Variants in PPP1R1C observed in about 807,000 individuals in gnomAD.
The protein encoded by PPP1R1C is protein phosphatase 1 regulatory inhibitor subunit 1C.
PPP1R1C carries 15 observed loss-of-function variants against 17.4 expected under a neutral mutation model. The ratio of observed to expected loss-of-function variants is 0.86; its 90% CI spans 0.58 to 1.33. The LOEUF (loss-of-function observed/expected upper bound fraction) is 1.33. Ranked by LOEUF, PPP1R1C falls within the 40% of genes most tolerant of loss-of-function variation. The pLI is 0.00. For synonymous variants in PPP1R1C, 35 were observed against 43.1 expected, an observed-to-expected ratio of 0.81 and a Z score of 0.73; for missense variants, 143 against 130.0, an observed-to-expected ratio of 1.10 and a Z score of -0.48.
rs374519097 is a variant in PPP1R1C, at chr2:182,024,857, A to AAAACAAACAAAC, written c.143-36561_143-36550dup. Among the ~76,000 whole-genome samples the AAAACAAACAAAC allele has an allele frequency of 5.1e-3, 764 of 150,780 alleles. 1 individual carries two copies. The highest frequency in any genetic ancestry group is 0.015 in the South Asian group (70 of 4,706). ...GCAACAAAGCAAGAATCTGTCTCAA[A>AAAACAAACAAAC]AAACAAACAAACAAACAAACAAACA... On this transcript the variant is annotated intron_variant, in intron 2 of 4. Coordinates refer to ENST00000682840, the MANE Select transcript of PPP1R1C (RefSeq NM_001080545.3).
At chr2:182,085,359 C>A in intron 4 of PPP1R1C, among the ~76,000 whole-genome samples, 1 of 151,980 alleles carries the variant, frequency 6.6e-6, no homozygotes, top group Non-Finnish European at 1.5e-5. Flanking sequence ...CATCTGTATA[C>A]ACATAAACAC....
chr2:182,001,049 C>T (rs1685751657), intron 2 of PPP1R1C, among the ~76,000 whole-genome samples: 2 of 152,072 alleles, frequency 1.3e-5, no homozygotes, highest in South Asian at 4.1e-4. Context: ...TTCACAGATA[C>T]CTACACTTGC....
At chr2:182,120,484 G>A (rs910953156), downstream of PPP1R1C, among the ~76,000 whole-genome samples, 6 of 152,174 alleles carry the variant, frequency 3.9e-5, no homozygotes, top group East Asian at 3.8e-4. Context: ...TATCACCACC[G>A]ATCCCCTGAC....
chr2:182,015,954 C>T (rs561406139), intron 2 of PPP1R1C, among the ~76,000 whole-genome samples: 7 of 152,230 alleles, frequency 4.6e-5, no homozygotes, highest in South Asian at 2.1e-4. Flanking sequence ...CCCATGTGTG[C>T]GTGTGCCGGC....
chr2:182,090,668 G>A (rs985408294), intron 4 of PPP1R1C, among the ~76,000 whole-genome samples: 1 of 152,090 alleles, frequency 6.6e-6, no homozygotes, highest in Non-Finnish European at 1.5e-5. Flanking sequence ...TTCCAGCAAC[G>A]ACATTCCAGC....
At chr2:181,959,351 C>T (rs181920964) in intron 1 of PPP1R1C, among the ~76,000 whole-genome samples, 66 of 152,252 alleles carry the variant, frequency 4.3e-4, no homozygotes, top group African/African-American at 1.6e-3. Flanking sequence ...AACTGATAAA[C>T]TTGTTTTTTA....
intron 4 of PPP1R1C, among the ~76,000 whole-genome samples, chr2:182,074,058 T>A (rs1688218891): frequency 6.6e-6 from 1 of 150,914 alleles, no homozygotes; most frequent in South Asian, 2.1e-4. Context: ...TTTTTTTTTT[T>A]TGAGACGGAG....
intron 3 of PPP1R1C, among the ~76,000 whole-genome samples, chr2:182,063,462 T>G (rs1197386078): frequency 6.6e-6 from 1 of 152,050 alleles, no homozygotes; most frequent in Non-Finnish European, 1.5e-5. Context: ...AATAAATTAA[T>G]GTTATTAGGT....
rs376358885 is a variant in PPP1R1C at position 182,063,314 on chromosome 2, C to T, written c.181-417C>T. Among the ~76,000 whole-genome samples the T allele has an allele frequency of 1.4e-4, 22 of 152,122 alleles. No individual in the cohort carries two copies. In the South Asian group the frequency reaches 2.3e-3, roughly 16 times the overall value. Reference sequence around the variant, plus strand: ...CTTTCCAAGGATCTTCATTGTTCCTCTTGAATCACTCAATAACCCCACGAA... The same window carrying T: ...CTTTCCAAGGATCTTCATTGTTCCTTTTGAATCACTCAATAACCCCACGAA... On this transcript the variant is annotated intron_variant, in intron 3 of 4. Transcript: ENST00000682840.
At chr2:182,098,398 T>C (rs933949533) in intron 4 of PPP1R1C, among the ~76,000 whole-genome samples, 2 of 152,192 alleles carry the variant, frequency 1.3e-5, no homozygotes, top group Admixed American at 6.5e-5. Context: ...TTTCTTATGA[T>C]GATATTTCAT....
intron 2 of PPP1R1C, among the ~76,000 whole-genome samples, chr2:182,041,153 G>A (rs989207262): frequency 2.0e-5 from 3 of 152,062 alleles, no homozygotes; most frequent in Non-Finnish European, 4.4e-5. Flanking sequence ...GGTTCCATTT[G>A]AATTTTAGGG....
intron 2 of PPP1R1C, chr2:181,975,281 CTT>C: frequency 6.8e-6 from 1 of 146,352 alleles, no homozygotes; most frequent in African/African-American, 2.5e-5. Flanking sequence ...CTGGGCAAGA[CTT>C]TGAGAGAATT....
At chr2:182,038,919 C>G (rs1687097313) in intron 2 of PPP1R1C, among the ~76,000 whole-genome samples, 1 of 152,140 alleles carries the variant, frequency 6.6e-6, no homozygotes, top group Non-Finnish European at 1.5e-5. Context: ...ATTGTTATTT[C>G]ATTTTTTTAT....
Position 182,034,828 on chromosome 2 carries a change from G to T in PPP1R1C, c.143-26614G>T, listed in dbSNP as rs186147374. ...GTTGCTGTTGGAAAGAAAATAGGAG[G>T]GTAGGCCACCAAAATCAGCAAATGT... On this transcript the variant is annotated intron_variant, in intron 2 of 4. Coordinates refer to ENST00000682840, the MANE Select transcript of PPP1R1C (RefSeq NM_001080545.3). 2.8e-4 allele frequency among the ~76,000 whole-genome samples: 43 copies of T among 152,178 alleles called. No individual in the cohort carries two copies. The East Asian group carries it at 7.7e-3, about 27-fold the overall frequency.
chr2:182,097,234 A>C (rs931532259), intron 4 of PPP1R1C, among the ~76,000 whole-genome samples: 1 of 152,138 alleles, frequency 6.6e-6, no homozygotes, highest in Admixed American at 6.5e-5. Context: ...AGTCCTTTAA[A>C]TGTTCACTAA....
intron 4 of PPP1R1C, among the ~76,000 whole-genome samples, chr2:182,070,890 A>C (rs761487623): frequency 3.9e-5 from 6 of 152,052 alleles, no homozygotes; most frequent in Non-Finnish European, 7.4e-5. Flanking sequence ...GGAGGAAGAG[A>C]GGGAGGAGGG....
chr2:182,118,046 A>G (rs989000106), downstream of PPP1R1C: 2 of 152,094 alleles, frequency 1.3e-5, no homozygotes, highest in Non-Finnish European at 2.9e-5. Flanking sequence ...TATTACTTGA[A>G]ATTTGGGCCA....
At chr2:182,013,901 C>T (rs576473586) in intron 2 of PPP1R1C, among the ~76,000 whole-genome samples, 163 of 152,254 alleles carry the variant, frequency 1.1e-3, no homozygotes, top group Non-Finnish European at 1.9e-3. Context: ...ATTTCAATCT[C>T]TTGTTAAATT....
intron 2 of PPP1R1C, among the ~76,000 whole-genome samples, chr2:182,022,738 A>G (rs1286838216): frequency 6.6e-6 from 1 of 152,182 alleles, no homozygotes; most frequent in Non-Finnish European, 1.5e-5. Flanking sequence ...ACCATTAGAA[A>G]TCATCATGGC....
Sources: allele counts gnomAD v4.1 joint callset (sites outside exome capture counted in the v4.1 genomes callset), GRCh38; gene constraint gnomAD v4.1.1; transcripts MANE v1.5; gene names NCBI Gene and HGNC (gene_info 2026-07-23, HGNC 2026-07-21).